SPIDR: variants seen among roughly 807,000 people sequenced by gnomAD.
SPIDR encodes scaffold protein involved in DNA repair.
Under a neutral mutation model 104.6 loss-of-function variants are expected in SPIDR, and 93 were observed. The observed-to-expected ratio is 0.89, with a 90% CI of 0.75 to 1.06. SPIDR has a LOEUF of 1.06. SPIDR is among the 50% of genes least tolerant of loss of function. The pLI is 0.00. For synonymous variants in SPIDR, 431 were observed against 416.9 expected (o/e 1.03, Z -0.41); for missense variants, 1,154 against 1,111.2 (o/e 1.04, Z -0.55).
Position 47,442,171 on chromosome 8 carries a change from A to G in SPIDR, c.1097+1629A>G, listed in dbSNP as rs561680220. Among the ~76,000 whole-genome samples the G allele has an allele frequency of 2.8e-3, 422 of 152,246 alleles. 1 individual carries two copies. Among genetic ancestry groups the G allele is most frequent in the African/African-American group, 9.9e-3 (412 of 41,532 alleles). ...CTTAAACATTTATTTTCAAGTATGC[A>G]TTGTAAAAGTTAAAACAATTCAGAA... is the stretch of plus-strand genomic sequence containing the variant. On this transcript the variant is annotated intron_variant, in intron 8 of 19. Coordinates refer to ENST00000297423, the MANE Select transcript of SPIDR (RefSeq NM_001080394.4).
At chr8:47,552,751 C>G (rs2090735945) in intron 8 of SPIDR, among the ~76,000 whole-genome samples, 1 of 152,110 alleles carries the variant, frequency 6.6e-6, no homozygotes, top group Non-Finnish European at 1.5e-5. Context: ...GAGCATTTAG[C>G]CCATTTACAT....
In SPIDR at chr8:47,422,182, G is replaced by A. The variant is rs549113410; in HGVS notation, c.877+14221G>A. On this transcript the variant is annotated intron_variant, in intron 7 of 19. Transcript: ENST00000297423. Reference sequence around the variant, plus strand: ...TCAGCAGAGGTTTCTGCTGCCTTTTGTTTGGCTATGTCCTGCCCCCAGAGG... The same window carrying A: ...TCAGCAGAGGTTTCTGCTGCCTTTTATTTGGCTATGTCCTGCCCCCAGAGG... 5.9e-5 allele frequency among the ~76,000 whole-genome samples: 9 copies of A among 152,310 alleles called. No individual in the cohort carries two copies. The South Asian group carries it at 1.7e-3, about 28-fold the overall frequency.
In SPIDR at chr8:47,280,032, G is replaced by A. The variant is rs1198364582; in HGVS notation, c.189+15G>A. 2 of 1,607,752 alleles carry A rather than the reference G, an allele frequency of 1.2e-6. No homozygotes were observed. The highest frequency in any genetic ancestry group is 2.7e-5 in the African/African-American group (2 of 74,682). On this transcript the variant is annotated intron_variant, in intron 2 of 19. Coordinates refer to ENST00000297423, the MANE Select transcript of SPIDR (RefSeq NM_001080394.4). ...CTGGGAATCCGGTAAAGTATCTGTA[G>A]AATTGTTTTCCCTGAATGCCAAAGA...
intron 8 of SPIDR, among the ~76,000 whole-genome samples, chr8:47,587,609 C>CAAA (rs36084278): frequency 2.9e-4 from 17 of 58,804 alleles, no homozygotes; most frequent in African/African-American, 5.8e-4. Context: ...GACCCTGCCT[C>CAAA]AAAAAAAAAA....
chr8:47,724,797 C>A (rs1318488042), intron 16 of SPIDR, among the ~76,000 whole-genome samples: 1 of 152,206 alleles, frequency 6.6e-6, no homozygotes, highest in Non-Finnish European at 1.5e-5. Flanking sequence ...TCACTCCTTG[C>A]TGGTGTCACA....
intron 7 of SPIDR, among the ~76,000 whole-genome samples, chr8:47,425,637 G>A (rs757127314): frequency 2.6e-5 from 4 of 152,004 alleles, no homozygotes; most frequent in Admixed American, 1.3e-4. Context: ...GATTTTAAAT[G>A]TTCCATATTT....
At chr8:47,384,036 T>C (rs2059614223) in intron 5 of SPIDR, among the ~76,000 whole-genome samples, 1 of 152,204 alleles carries the variant, frequency 6.6e-6, no homozygotes, top group African/African-American at 2.4e-5. Context: ...GTTTTGGTAA[T>C]GCATTCACAA....
intron 11 of SPIDR, among the ~76,000 whole-genome samples, chr8:47,692,133 C>G (rs2078738251): frequency 6.6e-6 from 1 of 152,192 alleles, no homozygotes. Context: ...TGGCCCCTGT[C>G]TTAAGTTAAT....
chr8:47,529,075 T>G (rs1462146389), intron 8 of SPIDR, among the ~76,000 whole-genome samples: 1 of 152,140 alleles, frequency 6.6e-6, no homozygotes, highest in Admixed American at 6.5e-5. Flanking sequence ...AAGAATTACA[T>G]CAGACTTCCC....
At chr8:47,430,857 T>G (rs985857080) in intron 7 of SPIDR, among the ~76,000 whole-genome samples, 1 of 152,226 alleles carries the variant, frequency 6.6e-6, no homozygotes, top group Non-Finnish European at 1.5e-5. Flanking sequence ...TGAGCCAAAA[T>G]TATCATCTAT....
chr8:47,464,422 G>A (rs968343329), intron 8 of SPIDR, among the ~76,000 whole-genome samples: 2 of 152,176 alleles, frequency 1.3e-5, no homozygotes, highest in African/African-American at 2.4e-5. Context: ...AAGACCTGGT[G>A]CATTCCTAAC....
chr8:47,593,982 T>C (rs2061359896), intron 8 of SPIDR, among the ~76,000 whole-genome samples: 1 of 152,014 alleles, frequency 6.6e-6, no homozygotes, highest in Non-Finnish European at 1.5e-5. Context: ...GCTTGGTTAC[T>C]ACTGTCAGGA....
chr8:47,380,058 A>G (rs913882560), intron 5 of SPIDR, among the ~76,000 whole-genome samples: 3 of 152,254 alleles, frequency 2.0e-5, no homozygotes, highest in Non-Finnish European at 4.4e-5. Flanking sequence ...CATAACCAGA[A>G]GCAACCTGTC....
chr8:47,287,340 G>A (rs2039038805), intron 3 of SPIDR, among the ~76,000 whole-genome samples: 2 of 152,290 alleles, frequency 1.3e-5, no homozygotes, highest in South Asian at 4.1e-4. Flanking sequence ...TCTATGTTCA[G>A]CTGTGCACAT....
chr8:47,465,943 G>T (rs930417475), intron 8 of SPIDR, among the ~76,000 whole-genome samples: 1 of 152,106 alleles, frequency 6.6e-6, no homozygotes, highest in Non-Finnish European at 1.5e-5. Context: ...TTACATAATG[G>T]TAAAGGGTTC....
intron 5 of SPIDR, among the ~76,000 whole-genome samples, chr8:47,394,838 C>T (rs147293578): frequency 0.011 from 1,745 of 152,198 alleles, 37 homozygotes; most frequent in African/African-American, 0.04. Context: ...TCTTGTGAGG[C>T]AGATCTGTGC....
chr8:47,582,664 C>T (rs1295330272), intron 8 of SPIDR, among the ~76,000 whole-genome samples: 1 of 152,084 alleles, frequency 6.6e-6, no homozygotes, highest in African/African-American at 2.4e-5. Flanking sequence ...CATTTTGACA[C>T]ATTGTCATTT....
At chr8:47,322,781 C>T (rs1258535068) in intron 5 of SPIDR, among the ~76,000 whole-genome samples, 1 of 152,102 alleles carries the variant, frequency 6.6e-6, no homozygotes, top group African/African-American at 2.4e-5. Flanking sequence ...AGTTCATGTC[C>T]TTTGTAGGGA....
intron 8 of SPIDR, among the ~76,000 whole-genome samples, chr8:47,585,116 T>C (rs1205005297): frequency 6.6e-6 from 1 of 152,240 alleles, no homozygotes. Context: ...GCTTTACGTA[T>C]AATTAATCAT....
Sources: allele counts gnomAD v4.1 joint callset (sites outside exome capture counted in the v4.1 genomes callset), GRCh38; gene constraint gnomAD v4.1.1; transcripts MANE v1.5; gene names NCBI Gene and HGNC (gene_info 2026-07-23, HGNC 2026-07-21).